CFAP210: variants seen among roughly 807,000 people sequenced by gnomAD.
The protein encoded by CFAP210 is cilia- and flagella- associated protein 210.
At chr2:169,681,825 G>A in the CFAP210 span, among the ~76,000 whole-genome samples, 2 of 152,190 alleles carry the variant, frequency 1.3e-5, no homozygotes, top group East Asian at 1.9e-4. Context: ...GTTCTTCCTT[G>A]TTCTTCTGGG....
the CFAP210 span, chr2:169,681,347 T>A: frequency 2.5e-6 from 2 of 811,612 alleles, no homozygotes; most frequent in Non-Finnish European, 4.1e-6. Flanking sequence ...AATACTTAAT[T>A]TACTCTTGTT....
At chr2:169,652,791 C>A in the CFAP210 span, among the ~76,000 whole-genome samples, 1 of 149,576 alleles carries the variant, frequency 6.7e-6, no homozygotes, top group Non-Finnish European at 1.5e-5. Context: ...GTCAGGAGAT[C>A]GAGACCATCC....
chr2:169,649,471 AG>A, the CFAP210 span: 1 of 797,838 alleles, frequency 1.3e-6, no homozygotes. Flanking sequence ...GGAGCAGAAA[AG>A]TGCATGCACC....
At chr2:169,689,949 A>G in the CFAP210 span, among the ~76,000 whole-genome samples, 1 of 152,208 alleles carries the variant, frequency 6.6e-6, no homozygotes, top group Non-Finnish European at 1.5e-5. Flanking sequence ...CATGGTATAT[A>G]ATAATTTTTT....
the CFAP210 span, among the ~76,000 whole-genome samples, chr2:169,691,441 GCA>G: frequency 1.9e-4 from 29 of 152,004 alleles, no homozygotes; most frequent in Admixed American, 6.5e-4. Context: ...AACTGCAACT[GCA>G]CAGTTTTAGG....
At chr2:169,648,587 A>C in the CFAP210 span, among the ~76,000 whole-genome samples, 1 of 152,242 alleles carries the variant, frequency 6.6e-6, no homozygotes, top group Non-Finnish European at 1.5e-5. Flanking sequence ...AAGGATGTGA[A>C]AAAAATGTCC....
the CFAP210 span, among the ~76,000 whole-genome samples, chr2:169,654,464 T>C: frequency 1.6e-4 from 24 of 152,162 alleles, no homozygotes; most frequent in Non-Finnish European, 2.8e-4. Flanking sequence ...AGAATAATCA[T>C]TGAGAATATA....
the CFAP210 span, among the ~76,000 whole-genome samples, chr2:169,682,764 T>G: frequency 1.3e-5 from 2 of 152,164 alleles, no homozygotes; most frequent in East Asian, 3.8e-4. Flanking sequence ...GGTAAGAGTG[T>G]GGATTCTGGA....
chr2:169,646,020 C>CAAGAGGGT, the CFAP210 span: 1 of 1,613,950 alleles, frequency 6.2e-7, no homozygotes, highest in South Asian at 1.1e-5. Context: ...ACAGCTTTTA[C>CAAGAGGGT]AAGAGGGTAA....
At chr2:169,650,520 G>T in the CFAP210 span, 2 of 1,531,456 alleles carry the variant, frequency 1.3e-6, no homozygotes, top group South Asian at 1.3e-5. Context: ...TTCTCCATAA[G>T]CCTATAACAA....
chr2:169,662,550 G>T, the CFAP210 span: 1 of 887,888 alleles, frequency 1.1e-6, no homozygotes, highest in Non-Finnish European at 1.6e-6. Context: ...AAAAATCTGT[G>T]AATTTCTTTG....
the CFAP210 span, among the ~76,000 whole-genome samples, chr2:169,654,381 T>C: frequency 6.6e-6 from 1 of 152,244 alleles, no homozygotes; most frequent in African/African-American, 2.4e-5. Context: ...AAGGTTTATG[T>C]GTCATGTAAT....
chr2:169,670,923 G>A, the CFAP210 span, among the ~76,000 whole-genome samples: 2 of 152,296 alleles, frequency 1.3e-5, 1 homozygote, highest in African/African-American at 4.8e-5. Context: ...ATCAAAGAAC[G>A]TATGGAAATA....
the CFAP210 span, among the ~76,000 whole-genome samples, chr2:169,675,943 A>G: frequency 6.6e-6 from 1 of 152,192 alleles, no homozygotes; most frequent in African/African-American, 2.4e-5. Flanking sequence ...ATGTCCTAAG[A>G]AAACCTTGTT....
chr2:169,667,242 G>T, the CFAP210 span, among the ~76,000 whole-genome samples: 4 of 150,830 alleles, frequency 2.7e-5, no homozygotes, highest in Non-Finnish European at 5.9e-5. Flanking sequence ...GGGTTCAAGA[G>T]ATTCTCCTGC....
the CFAP210 span, chr2:169,650,312 A>G: frequency 1.3e-6 from 2 of 1,536,524 alleles, no homozygotes; most frequent in Non-Finnish European, 1.7e-6. Flanking sequence ...TTTTATTTTC[A>G]TAATTGAATT....
the CFAP210 span, among the ~76,000 whole-genome samples, chr2:169,684,775 C>G: frequency 6.6e-6 from 1 of 152,126 alleles, no homozygotes; most frequent in Admixed American, 6.5e-5. Flanking sequence ...TGCCTAGCCT[C>G]CCAAGTAGCT....
the CFAP210 span, among the ~76,000 whole-genome samples, chr2:169,657,610 G>T: frequency 5.9e-5 from 9 of 152,004 alleles, no homozygotes; most frequent in African/African-American, 2.2e-4. Flanking sequence ...CCAGCTACTC[G>T]GGAGGCTGAG....
chr2:169,662,152 A>G, the CFAP210 span: 129 of 914,164 alleles, frequency 1.4e-4, no homozygotes, highest in Middle Eastern at 1.8e-3. Flanking sequence ...CTTGATCATT[A>G]CATAATGTAT....
Sources: allele counts gnomAD v4.1 joint callset (sites outside exome capture counted in the v4.1 genomes callset), GRCh38; gene constraint gnomAD v4.1.1; transcripts MANE v1.5; gene names NCBI Gene and HGNC (gene_info 2026-07-23, HGNC 2026-07-21).